The following KIAA1549 variants were observed in gnomAD, a reference collection of about 807,000 sequenced individuals.
KIAA1549 encodes UPF0606 protein KIAA1549.
A neutral mutation model predicts 156.4 loss-of-function variants in KIAA1549; 70 were observed. The ratio of observed to expected loss-of-function variants is 0.45; its 90% CI spans 0.37 to 0.55. KIAA1549 has a LOEUF of 0.55. Ranked by LOEUF, KIAA1549 falls within the 20% of genes least tolerant of loss-of-function variation. The pLI is 0.00. For synonymous variants in KIAA1549, 1,103 were observed against 1,066.4 expected, an observed-to-expected ratio of 1.03 and a Z score of -0.67; for missense variants, 2,428 against 2,540.9, an observed-to-expected ratio of 0.96 and a Z score of 0.96.
In KIAA1549 at chr7:138,917,632, G is replaced by C. The variant is rs1584754622; in HGVS notation, c.1994C>G (p.Pro665Arg). The C allele has an allele frequency of 1.2e-6, 2 of 1,613,732 alleles. No individual in the cohort carries two copies. The highest frequency in any genetic ancestry group is 3.3e-4 in the Middle Eastern group (2 of 6,062). The change falls in exon 2 of 20, where the codon CCC becomes CGC. Residue 665 changes from proline (P) to arginine (R), a missense_variant. Pro to Arg is a moderately radical substitution (Grantham distance 103). Transcript: ENST00000422774. ...LSPFTSQSFSPLVETFTLFDS... is the reference protein window; with the variant it reads ...LSPFTSQSFSRLVETFTLFDS... Reference sequence around the variant, plus strand: ...AAACAATGTAAATGTCTCAACCAAGGGAGAAAAAGACTGAGATGTGAAGGG... The same window carrying C: ...AAACAATGTAAATGTCTCAACCAAGCGAGAAAAAGACTGAGATGTGAAGGG...
rs556935526 is a variant in KIAA1549 at position 138,873,941 on chromosome 7, T to C, written c.4346-2579A>G. ...TTTTTACATATACATATAATATATA[T>C]CACACATATATATTATATAATTATA... On this transcript the variant is annotated intron_variant, in intron 12 of 19. Transcript: ENST00000422774. 2.1e-5 allele frequency among the ~76,000 whole-genome samples: 3 copies of C among 142,124 alleles called. No individual in the cohort carries two copies. In the South Asian group the frequency reaches 6.3e-4, roughly 30 times the overall value. 93.2% of individuals were successfully genotyped at this position (142,124 alleles called of 152,430 possible).
At chr7:138,923,435 T>C (rs1812618352) in intron 1 of KIAA1549, among the ~76,000 whole-genome samples, 2 of 152,106 alleles carry the variant, frequency 1.3e-5, no homozygotes, top group African/African-American at 4.8e-5. Flanking sequence ...ACCCTGTCTC[T>C]ACTAAAAATA....
At chr7:138,884,313 A>G (rs544829425) in intron 10 of KIAA1549, among the ~76,000 whole-genome samples, 1 of 151,868 alleles carries the variant, frequency 6.6e-6, no homozygotes, top group South Asian at 2.1e-4. Context: ...TCTGTAAACT[A>G]AGAACAAAAT....
At chr7:138,879,512 T>C (rs1811180766) in intron 12 of KIAA1549, 26 bp downstream of exon 12, 1 of 1,432,738 alleles carries the variant, frequency 7.0e-7, no homozygotes, top group Non-Finnish European at 9.6e-7. Context: ...CTACTTTTAA[T>C]GGGAAGAACC....
At chr7:138,854,908 T>C (rs1229357679) in intron 16 of KIAA1549, among the ~76,000 whole-genome samples, 1 of 152,152 alleles carries the variant, frequency 6.6e-6, no homozygotes, top group Non-Finnish European at 1.5e-5. Flanking sequence ...TGCTAAAAAT[T>C]CATCAGCAGA....
At chr7:138,928,124 T>G (rs1461372128) in intron 1 of KIAA1549, among the ~76,000 whole-genome samples, 8 of 151,504 alleles carry the variant, frequency 5.3e-5, no homozygotes, top group Non-Finnish European at 5.9e-5. Flanking sequence ...GGTTTCACAG[T>G]GTAAGCCAGG....
At chr7:138,866,301 T>A (rs1196194083) in intron 15 of KIAA1549, among the ~76,000 whole-genome samples, 1 of 152,260 alleles carries the variant, frequency 6.6e-6, no homozygotes, top group Non-Finnish European at 1.5e-5. Flanking sequence ...TTCAGTTGTA[T>A]TTAGGCCCCA....
rs541383684 is a variant in KIAA1549 at position 138,917,119 on chromosome 7, G to A, written c.2507C>T (p.Thr836Met). The A allele has an allele frequency of 3.8e-5, 62 of 1,612,604 alleles. 1 individual carries two copies. The South Asian group carries it at 4.1e-4, about 11-fold the overall frequency. The change falls in exon 2 of 20, where the codon ACG becomes ATG. Residue 836 changes from threonine (T) to methionine (M), a missense_variant. Physicochemically the swap from Thr to Met is moderately conservative, Grantham distance 81 (BLOSUM62 -1). Coordinates refer to ENST00000422774, the MANE Select transcript of KIAA1549 (RefSeq NM_001164665.2). ...ASFSKAIPTGTVLITDAYLPS... is the reference protein window; with the variant it reads ...ASFSKAIPTGMVLITDAYLPS... ...CAGGTACGCGTCAGTGATCAACACC[G>A]TACCAGTGGGAATGGCTTTGGAGAA...
Position 138,879,391 on chromosome 7 carries a change from C to G in KIAA1549, c.4345+147G>C, listed in dbSNP as rs896355170. On this transcript the variant is annotated intron_variant, in intron 12 of 19. Coordinates refer to ENST00000422774, the MANE Select transcript of KIAA1549 (RefSeq NM_001164665.2). ...CCAATACCACGTTAGATGGTGACAA[C>G]TGGTGCTAAGAAACCACAGGAATGA... The G allele has an allele frequency of 4.6e-5, 27 of 590,484 alleles. No homozygotes were observed. In the African/African-American group the frequency reaches 4.8e-4, roughly 11 times the overall value. 36.6% of individuals were successfully genotyped at this position (590,484 alleles called of 1,614,324 possible).
chr7:138,889,469 G>C (rs1469880129), intron 10 of KIAA1549, among the ~76,000 whole-genome samples: 2 of 152,108 alleles, frequency 1.3e-5, no homozygotes, highest in Non-Finnish European at 2.9e-5. Context: ...GAATTCTAAG[G>C]CATCAGAGTT....
intron 10 of KIAA1549, among the ~76,000 whole-genome samples, chr7:138,881,910 T>C (rs1217811347): frequency 2.0e-5 from 3 of 152,098 alleles, no homozygotes; most frequent in Non-Finnish European, 2.9e-5. Context: ...AGCCAGGCCT[T>C]GAGAACAGAC....
chr7:138,841,856 G>A (rs1002806095), intron 18 of KIAA1549, among the ~76,000 whole-genome samples: 6 of 149,218 alleles, frequency 4.0e-5, no homozygotes, highest in Non-Finnish European at 7.4e-5. Context: ...GTGAGCTATC[G>A]TACCTGACCG....
In KIAA1549 at chr7:138,953,430, G is replaced by A. The variant is rs75639191; in HGVS notation, c.187+27653C>T. ...CTACTTTTTAAGCACAATAATAATA[G>A]GAAAAAGGAATGATAAAAATAAGCA... On this transcript the variant is annotated intron_variant, in intron 1 of 19. Transcript: ENST00000422774. Among the ~76,000 whole-genome samples, 1,068 of 151,760 alleles carry A rather than the reference G, an allele frequency of 7.0e-3. 63 individuals carry two copies. In the East Asian group the frequency reaches 0.15, roughly 21 times the overall value.
rs1218785645 is a variant in KIAA1549 at position 138,881,412 on chromosome 7, GAA to G, written c.4203_4204del (p.Ser1402GlnfsTer15). 6.2e-7 allele frequency: 1 copy of G among 1,613,826 alleles called. No homozygotes were observed. Among genetic ancestry groups the G allele is most frequent in the Admixed American group, 1.7e-5 (1 of 59,954 alleles). ...CCTTCCTCTGTGACGAACATTCTTG[GAA>G]GGGATCTTTGACTTGGGGCTTGGCA... On this transcript the variant is annotated frameshift_variant, in exon 11 of 20. Transcript: ENST00000422774. LOFTEE classifies it high-confidence loss of function.
chr7:138,942,400 A>C (rs545843337), intron 1 of KIAA1549, among the ~76,000 whole-genome samples: 7 of 151,472 alleles, frequency 4.6e-5, no homozygotes, highest in Middle Eastern at 3.2e-3. Flanking sequence ...GGTGAAAATA[A>C]TATCTCGGAT....
Position 138,837,746 on chromosome 7 carries a change from A to G in KIAA1549, c.*160T>C. The G allele has an allele frequency of 2.8e-6, 2 of 715,212 alleles. No homozygotes were observed. Among genetic ancestry groups the G allele is most frequent in the South Asian group, 3.8e-5 (2 of 52,202 alleles). The allele number at this position is 715,212 out of a possible 1,614,324, so 44.3% of individuals were successfully genotyped here. ...CCCAGTGAAAGGCTCATGAGCTGTC[A>G]CACGACGTATGGCATCTTCTAAATT... On this transcript the variant is annotated 3_prime_UTR_variant, in exon 20 of 20. Coordinates refer to ENST00000422774, the MANE Select transcript of KIAA1549 (RefSeq NM_001164665.2).
chr7:138,908,389 G>C (rs1357713240), intron 5 of KIAA1549, among the ~76,000 whole-genome samples: 2 of 152,192 alleles, frequency 1.3e-5, no homozygotes, highest in Non-Finnish European at 2.9e-5. Flanking sequence ...TCAGTAGAGG[G>C]ATTGCATAAC....
intron 17 of KIAA1549, 54 bp downstream of exon 17, chr7:138,852,169 T>C: frequency 7.5e-7 from 1 of 1,332,086 alleles, no homozygotes; most frequent in East Asian, 2.3e-5. Flanking sequence ...TATAAAGTTT[T>C]TAAAAACAGC....
chr7:138,931,430 T>G (rs934318790), intron 1 of KIAA1549, among the ~76,000 whole-genome samples: 1 of 152,216 alleles, frequency 6.6e-6, no homozygotes, highest in Non-Finnish European at 1.5e-5. Flanking sequence ...TTGTTTGATA[T>G]TTTTAATGGC....
Sources: gnomAD v4.1 joint callset for allele counts (sites outside exome capture counted in the v4.1 genomes callset) on GRCh38, gnomAD v4.1.1 for gene constraint, MANE v1.5 for transcripts, NCBI Gene and HGNC (gene_info 2026-07-23, HGNC 2026-07-21) for gene names.